Variants in ADAM22 observed in about 807,000 individuals in gnomAD.
ADAM22 encodes the protein disintegrin and metalloproteinase domain-containing protein 22.
Under a neutral mutation model 144.6 loss-of-function variants are expected in ADAM22, and 65 were observed. The observed-to-expected ratio is 0.45, with a 90% CI of 0.37 to 0.55. ADAM22 has a LOEUF of 0.55. ADAM22 is among the 20% of genes least tolerant of loss of function. The pLI, the probability that ADAM22 is intolerant of heterozygous loss-of-function variation, is 0.00. For synonymous variants in ADAM22, 391 were observed against 412.6 expected, an observed-to-expected ratio of 0.95 and a Z score of 0.63; for missense variants, 974 against 1,184.9, an observed-to-expected ratio of 0.82 and a Z score of 2.61.
intron 3 of ADAM22, among the ~76,000 whole-genome samples, chr7:88,032,640 C>A (rs956241215): frequency 6.6e-6 from 1 of 152,024 alleles, no homozygotes; most frequent in Admixed American, 6.5e-5. Context: ...ACATGAGATT[C>A]GGTGGGGGAG....
intron 4 of ADAM22, among the ~76,000 whole-genome samples, chr7:88,085,851 C>A (rs984868511): frequency 6.6e-6 from 1 of 152,136 alleles, no homozygotes; most frequent in Non-Finnish European, 1.5e-5. Flanking sequence ...AGCATGTACC[C>A]CTACAGTTTA....
At chr7:88,012,390 C>T (rs1387807921) in intron 3 of ADAM22, among the ~76,000 whole-genome samples, 1 of 152,080 alleles carries the variant, frequency 6.6e-6, no homozygotes, top group African/African-American at 2.4e-5. Context: ...TGCCTTTTAA[C>T]ATGACTTCTA....
chr7:87,944,607 A>G (rs1435781054), intron 2 of ADAM22, among the ~76,000 whole-genome samples: 3 of 152,084 alleles, frequency 2.0e-5, no homozygotes, highest in South Asian at 4.1e-4. Context: ...ATCATCAGAT[A>G]TGGTCAGGAA....
chr7:88,076,999 T>A (rs945122491), intron 4 of ADAM22, among the ~76,000 whole-genome samples: 2 of 152,194 alleles, frequency 1.3e-5, no homozygotes, highest in African/African-American at 4.8e-5. Flanking sequence ...AGATAAATGT[T>A]TTCATTTTGT....
intron 4 of ADAM22, among the ~76,000 whole-genome samples, chr7:88,094,994 C>T (rs1056509857): frequency 6.6e-5 from 10 of 152,180 alleles, no homozygotes; most frequent in African/African-American, 2.4e-4. Flanking sequence ...CATTTTCCTC[C>T]TCTGTTAAAC....
chr7:87,959,100 TGTA>T (rs986281386), intron 2 of ADAM22, among the ~76,000 whole-genome samples: 4 of 152,092 alleles, frequency 2.6e-5, no homozygotes, highest in African/African-American at 7.2e-5. Context: ...AAATCTCAAA[TGTA>T]GTTTTTTTTT....
At chr7:88,043,039 A>G (rs1248280190) in intron 3 of ADAM22, among the ~76,000 whole-genome samples, 2 of 151,638 alleles carry the variant, frequency 1.3e-5, no homozygotes, top group African/African-American at 2.4e-5. Flanking sequence ...TAGCTTACCT[A>G]TTTTCTCTGT....
At chr7:88,038,429 A>G (rs1044480784) in intron 3 of ADAM22, among the ~76,000 whole-genome samples, 5 of 151,906 alleles carry the variant, frequency 3.3e-5, no homozygotes, top group Non-Finnish European at 7.4e-5. Flanking sequence ...TCACATAAAC[A>G]GAATGATACA....
chr7:88,032,044 G>A lies in ADAM22; in HGVS notation c.324-43582G>A, dbSNP rs368925634. On this transcript the variant is annotated intron_variant, in intron 3 of 31. Transcript: ENST00000413139. ...CAGGCAGAAGTCTACTGCAGGGACA[G>A]AGCCCTCAGGGAGAACCTCTACTAG... Among the ~76,000 whole-genome samples, 14 of 152,236 alleles carry A rather than the reference G, an allele frequency of 9.2e-5. No individual in the cohort carries two copies. In the East Asian group the frequency reaches 9.6e-4, roughly 10 times the overall value.
At chr7:88,011,739 C>T (rs1585006499) in intron 3 of ADAM22, among the ~76,000 whole-genome samples, 2 of 151,472 alleles carry the variant, frequency 1.3e-5, no homozygotes, top group South Asian at 4.2e-4. Context: ...TCTCCGCCCC[C>T]CACCCCCCAA....
chr7:88,067,874 T>C (rs1337636848), intron 3 of ADAM22, among the ~76,000 whole-genome samples: 1 of 152,186 alleles, frequency 6.6e-6, no homozygotes, highest in Non-Finnish European at 1.5e-5. Context: ...AAATTTCTTT[T>C]ATGTGCATAA....
At chr7:88,150,927 C>T (rs1289235350) in intron 18 of ADAM22, 54 bp from the exon 19 acceptor site, 1 of 1,421,146 alleles carries the variant, frequency 7.0e-7, no homozygotes, top group Non-Finnish European at 9.9e-7. Context: ...AAGGGTTTAG[C>T]TCAGCCTTAT....
intron 3 of ADAM22, among the ~76,000 whole-genome samples, chr7:88,051,028 C>T (rs566528249): frequency 1.3e-5 from 2 of 152,034 alleles, no homozygotes; most frequent in East Asian, 3.9e-4. Flanking sequence ...TCTTGAATGG[C>T]GATCATTAAA....
chr7:88,143,060 A>T lies in ADAM22; in HGVS notation c.1255A>T (p.Ile419Phe). ...YLPKKFTQCN[I>F]EEYHDFLNSG... ...TCCTAAAAAGTTCACCCAGTGTAAT[A>T]TTGAAGAGTATCATGACTTCCTGAA... Residue 419 changes from isoleucine to phenylalanine, a missense_variant, in exon 15 of 32, where the codon ATT becomes TTT. By Grantham distance (21) the Ile-to-Phe change is conservative. Around this residue, in one of 2 missense-constraint regions of ADAM22, gnomAD observed 734 missense variants for 950.6 expected, o/e 0.77. Transcript: ENST00000413139. 1 of 1,612,844 alleles carries T rather than the reference A, an allele frequency of 6.2e-7. No homozygotes were observed. The highest frequency in any genetic ancestry group is 8.5e-7 in the Non-Finnish European group (1 of 1,179,152).
chr7:87,964,091 C>T (rs1177461466), intron 2 of ADAM22, among the ~76,000 whole-genome samples: 2 of 152,126 alleles, frequency 1.3e-5, no homozygotes, highest in South Asian at 2.1e-4. Context: ...GTCTGTAAGA[C>T]CCTTCAGTGG....
chr7:88,019,705 C>T (rs1465435641), intron 3 of ADAM22, among the ~76,000 whole-genome samples: 9 of 150,978 alleles, frequency 6.0e-5, no homozygotes, highest in Admixed American at 2.0e-4. Flanking sequence ...CAAAAATTAG[C>T]TGGGGGTTGT....
intron 2 of ADAM22, among the ~76,000 whole-genome samples, chr7:87,968,773 C>T (rs940404213): frequency 6.6e-6 from 1 of 152,116 alleles, no homozygotes; most frequent in Non-Finnish European, 1.5e-5. Context: ...TCTTACACTG[C>T]TATAACGAAA....
chr7:88,044,693 G>A (rs370273091), intron 3 of ADAM22, among the ~76,000 whole-genome samples: 24 of 151,374 alleles, frequency 1.6e-4, no homozygotes, highest in South Asian at 8.4e-4. Context: ...TGATCCACCC[G>A]CCTCGGTCTC....
At chr7:88,062,048 G>A (rs1810029559) in intron 3 of ADAM22, among the ~76,000 whole-genome samples, 1 of 151,840 alleles carries the variant, frequency 6.6e-6, no homozygotes, top group African/African-American at 2.4e-5. Context: ...CTGCTGTGTT[G>A]CCCAGGCTAG....
Sources: allele counts gnomAD v4.1 joint callset (sites outside exome capture counted in the v4.1 genomes callset), GRCh38; gene constraint gnomAD v4.1.1; regional missense constraint gnomAD v4.1.1; transcripts MANE v1.5; gene names NCBI Gene and HGNC (gene_info 2026-07-23, HGNC 2026-07-21).